TTC27: variants seen among roughly 807,000 people sequenced by gnomAD.
TTC27 encodes tetratricopeptide repeat domain 27.
A neutral mutation model predicts 115.9 loss-of-function variants in TTC27; 79 were observed. That is an observed-to-expected ratio of 0.68 (90% CI 0.57 to 0.82). The LOEUF is 0.82. Ranked by LOEUF, TTC27 falls within the 40% of genes least tolerant of loss-of-function variation. TTC27 has a pLI of 0.00. For missense variants in TTC27, 1,054 were observed against 993.1 expected (o/e 1.06, Z -0.82); for synonymous variants, 401 against 356.0 (o/e 1.13, Z -1.42).
Position 32,640,350 on chromosome 2 carries a change from A to G in TTC27, c.477A>G (p.Ile159Met), listed in dbSNP as rs1325901068. 1 of 1,614,056 alleles carries G rather than the reference A, an allele frequency of 6.2e-7. No homozygotes were observed. The highest frequency in any genetic ancestry group is 1.7e-5 in the Admixed American group (1 of 60,018). The stretch of plus-strand genomic sequence containing the variant: ...TCTACAGCCTGACCTCGAAGCCTAT[A>G]CTACTGTTATTAGCACGCATTATCC... The part of the protein sequence containing the change: ...ESIYSLTSKP[I>M]LLLLARIILV... The change falls in exon 4 of 20, where the codon ATA becomes ATG. Residue 159 changes from isoleucine (I) to methionine (M), a missense_variant. Transcript: ENST00000317907.
intron 9 of TTC27, among the ~76,000 whole-genome samples, chr2:32,701,035 A>C (rs1667167046): frequency 6.6e-6 from 1 of 152,160 alleles, no homozygotes; most frequent in African/African-American, 2.4e-5. Flanking sequence ...TAAATCTTGT[A>C]AACTATTTCA....
At chr2:32,701,653 A>G (rs181011664) in intron 9 of TTC27, among the ~76,000 whole-genome samples, 1 of 152,306 alleles carries the variant, frequency 6.6e-6, no homozygotes, top group East Asian at 1.9e-4. Context: ...GTAAGGAGTC[A>G]TAGGCTGAAG....
chr2:32,789,676 T>G (rs1377433232), intron 16 of TTC27, among the ~76,000 whole-genome samples: 1 of 151,998 alleles, frequency 6.6e-6, no homozygotes, highest in East Asian at 1.9e-4. Flanking sequence ...TCCCAGCATT[T>G]TGGGAGGCCA....
intron 4 of TTC27, among the ~76,000 whole-genome samples, chr2:32,645,218 T>C (rs1664809834): frequency 6.6e-6 from 1 of 152,200 alleles, no homozygotes; most frequent in Admixed American, 6.6e-5. Flanking sequence ...GTGAAGTATA[T>C]AGACTAGAAT....
At chr2:32,696,494 A>G (rs1652686879) in intron 9 of TTC27, among the ~76,000 whole-genome samples, 3 of 151,674 alleles carry the variant, frequency 2.0e-5, no homozygotes, top group Admixed American at 1.3e-4. Flanking sequence ...GGGTTTTACC[A>G]TGTTGCCCAG....
intron 9 of TTC27, among the ~76,000 whole-genome samples, chr2:32,682,054 C>T (rs995758420): frequency 3.8e-4 from 56 of 149,132 alleles, no homozygotes; most frequent in African/African-American, 1.4e-3. Context: ...AGACTATAAA[C>T]TCAGTTTTAG....
In TTC27 at chr2:32,628,285, C is replaced by T; in HGVS notation, c.-8C>T. The T allele has an allele frequency of 6.2e-7, 1 of 1,601,452 alleles. No individual in the cohort carries two copies. Among genetic ancestry groups the T allele is most frequent in the Non-Finnish European group, 8.5e-7 (1 of 1,175,658 alleles). On this transcript the variant is annotated 5_prime_UTR_variant, in exon 1 of 20. Transcript: ENST00000317907. ...GAGCCTGTTTTGGCTGCAGCGGTGT[C>T]TGGGGTGATGTGGACCCCGGAGCTG... is the stretch of plus-strand genomic sequence containing the variant.
intron 10 of TTC27, among the ~76,000 whole-genome samples, chr2:32,724,241 G>T (rs1314429666): frequency 6.6e-6 from 1 of 152,136 alleles, no homozygotes; most frequent in Non-Finnish European, 1.5e-5. Context: ...CAGTTATCAA[G>T]TAGGGCTTGT....
chr2:32,743,638 G>T (rs1668719673), intron 12 of TTC27, among the ~76,000 whole-genome samples: 1 of 152,066 alleles, frequency 6.6e-6, no homozygotes, highest in Admixed American at 6.6e-5. Flanking sequence ...ATCAGGATGG[G>T]GAACCCCTCA....
chr2:32,757,795 C>T (rs552555024), intron 12 of TTC27, among the ~76,000 whole-genome samples: 53 of 152,086 alleles, frequency 3.5e-4, no homozygotes, highest in Non-Finnish European at 5.9e-4. Context: ...TGGGTTCAAG[C>T]GATTTCTCCT....
intron 11 of TTC27, among the ~76,000 whole-genome samples, chr2:32,735,182 A>T (rs1013127903): frequency 2.0e-5 from 3 of 152,190 alleles, no homozygotes; most frequent in African/African-American, 7.2e-5. Context: ...TTTATTGTGC[A>T]TTGGAGTTCA....
In TTC27 at chr2:32,811,093, C is replaced by T. The variant is rs896795509; in HGVS notation, c.2068C>T (p.Leu690Phe). Residue 690 changes from leucine to phenylalanine, a missense_variant, in exon 17 of 20, where the codon CTC (leucine) becomes TTC (phenylalanine). By Grantham distance (22) the Leu-to-Phe change is conservative. Transcript: ENST00000317907. ...TCGAAGTGGAGATGTTGCAACTGGC[C>T]TCAAAGGAAAGCTGCAGGAGTTATT... ...TDRSGDVATG[L>F]KGKLQELFGR... 2 of 1,614,082 alleles carry T rather than the reference C, an allele frequency of 1.2e-6. No homozygotes were observed. The highest frequency in any genetic ancestry group is 1.3e-5 in the African/African-American group (1 of 75,014).
intron 3 of TTC27, among the ~76,000 whole-genome samples, chr2:32,635,627 T>C (rs1219605968): frequency 6.6e-6 from 1 of 152,090 alleles, no homozygotes; most frequent in African/African-American, 2.4e-5. Flanking sequence ...GAGGTTGCAG[T>C]GAGCCAAGAT....
At chr2:32,719,701 T>G (rs1163066891) in intron 10 of TTC27, among the ~76,000 whole-genome samples, 1 of 152,184 alleles carries the variant, frequency 6.6e-6, no homozygotes, top group Admixed American at 6.5e-5. Context: ...TTAGTTACTC[T>G]AAGCTGGAGA....
intron 9 of TTC27, among the ~76,000 whole-genome samples, chr2:32,691,003 G>GAA (rs1249822008): frequency 6.6e-6 from 1 of 152,174 alleles, no homozygotes; most frequent in Non-Finnish European, 1.5e-5. Flanking sequence ...TTTATGTATG[G>GAA]AAAAAGCAGC....
rs762276817 is a variant in TTC27, at chr2:32,736,679, A to C, written c.1330-15A>C. ...ACACCAAGAAGTATTAATTATTTTT[A>C]CTTGATTTTTCTAGCGCCAACTTGC... On this transcript the variant is annotated splice_polypyrimidine_tract_variant and intron_variant, in intron 11 of 19. Coordinates refer to ENST00000317907, the MANE Select transcript of TTC27 (RefSeq NM_017735.5). 1.9e-6 allele frequency: 3 copies of C among 1,613,654 alleles called. No individual in the cohort carries two copies. In the South Asian group the frequency reaches 3.3e-5, roughly 18 times the overall value.
At chr2:32,734,372 CT>C (rs1014622009) in intron 11 of TTC27, among the ~76,000 whole-genome samples, 13 of 152,234 alleles carry the variant, frequency 8.5e-5, no homozygotes, top group Non-Finnish European at 1.6e-4. Flanking sequence ...CCATGCCTGG[CT>C]TTGAAATAAT....
chr2:32,666,782 T>G lies in TTC27; in HGVS notation c.939+14T>G, dbSNP rs1375073035. The G allele has an allele frequency of 1.2e-6, 2 of 1,609,640 alleles. No homozygotes were observed. Among genetic ancestry groups the G allele is most frequent in the Non-Finnish European group, 1.7e-6 (2 of 1,178,180 alleles). ...CATTTAACCAAGGCAAGTAGGACAT[T>G]AAGTTATTAAATTCAATTAACACCT... is the stretch of plus-strand genomic sequence containing the variant. On this transcript the variant is annotated intron_variant, in intron 7 of 19. Transcript: ENST00000317907.
intron 9 of TTC27, among the ~76,000 whole-genome samples, chr2:32,682,337 A>T (rs1666460091): frequency 6.6e-6 from 1 of 152,134 alleles, no homozygotes; most frequent in African/African-American, 2.4e-5. Context: ...CTATCCCAAC[A>T]CAGAAGACTT....
Sources: allele counts gnomAD v4.1 joint callset (sites outside exome capture counted in the v4.1 genomes callset), GRCh38; gene constraint gnomAD v4.1.1; transcripts MANE v1.5; gene names NCBI Gene and HGNC (gene_info 2026-07-23, HGNC 2026-07-21).